Variants in TOP2A observed in about 807,000 individuals in gnomAD.
TOP2A encodes the protein DNA topoisomerase 2-alpha.
In TOP2A, 68 loss-of-function variants were observed where a neutral mutation model predicts 187.2. That is an observed-to-expected ratio of 0.36 (90% CI 0.30 to 0.44). The LOEUF is 0.44. TOP2A is among the 20% of genes least tolerant of loss of function. TOP2A has a pLI of 1.00. For missense variants in TOP2A, 1,196 were observed against 1,808.7 expected (o/e 0.66, Z 6.14); for synonymous variants, 542 against 593.2 (o/e 0.91, Z 1.25).
Position 40,404,147 on chromosome 17 carries a change from T to C in TOP2A, c.2283+5A>G. ...GCTTTCTGGAAACATGGATTGTGTG[T>C]TTACCTCACCATGATGATAAGAAGA... On this transcript the variant is annotated splice_donor_5th_base_variant and intron_variant, in intron 19 of 34. Coordinates refer to ENST00000423485, the MANE Select transcript of TOP2A (RefSeq NM_001067.4). The C allele has an allele frequency of 6.2e-7, 1 of 1,612,872 alleles. No homozygotes were observed.
At chr17:40,393,151 A>C (rs1295897912) in intron 29 of TOP2A, among the ~76,000 whole-genome samples, 1 of 151,834 alleles carries the variant, frequency 6.6e-6, no homozygotes, top group Non-Finnish European at 1.5e-5. Flanking sequence ...GCAAAACCCC[A>C]TCTCTACAAA....
At chr17:40,403,633 T>C (rs2035206979) in intron 19 of TOP2A, among the ~76,000 whole-genome samples, 2 of 152,174 alleles carry the variant, frequency 1.3e-5, no homozygotes, top group African/African-American at 4.8e-5. Flanking sequence ...TCACAAAACA[T>C]TGGTGTAAAG....
chr17:40,392,571 T>G lies in TOP2A; in HGVS notation c.3964+14A>C, dbSNP rs1410317433. ...TCTTACAGTTTATCTATAATGTTCT[T>G]TAGTTTTCCTTACTTGCTGCTCTCC... is the stretch of plus-strand genomic sequence containing the variant. On this transcript the variant is annotated intron_variant, in intron 30 of 34. Coordinates refer to ENST00000423485, the MANE Select transcript of TOP2A (RefSeq NM_001067.4). The G allele has an allele frequency of 2.5e-6, 4 of 1,603,338 alleles. No individual in the cohort carries two copies. Among genetic ancestry groups the G allele is most frequent in the Non-Finnish European group, 2.5e-6 (3 of 1,176,704 alleles).
intron 20 of TOP2A, among the ~76,000 whole-genome samples, chr17:40,402,685 T>G (rs1479603407): frequency 6.6e-6 from 1 of 152,186 alleles, no homozygotes; most frequent in African/African-American, 2.4e-5. Flanking sequence ...CTTTACTCAG[T>G]CCCAAGCTCT....
At chr17:40,401,357 T>G (rs908193895) in intron 20 of TOP2A, among the ~76,000 whole-genome samples, 2 of 152,102 alleles carry the variant, frequency 1.3e-5, no homozygotes, top group Non-Finnish European at 2.9e-5. Context: ...GGAAAGTGAC[T>G]GAAGAGGTGC....
At chr17:40,395,640 A>G (rs2035086662) in intron 28 of TOP2A, 101 bp from the exon 29 acceptor site, 1 of 733,306 alleles carries the variant, frequency 1.4e-6, no homozygotes, top group Non-Finnish European at 2.2e-6. Flanking sequence ...TCACGCCTGT[A>G]ATCCCAGCAC....
Position 40,416,748 on chromosome 17 carries a change from C to G in TOP2A, c.169G>C (p.Val57Leu). 1 of 1,605,788 alleles carries G rather than the reference C, an allele frequency of 6.2e-7. No homozygotes were observed. Among genetic ancestry groups the G allele is most frequent in the Non-Finnish European group, 8.5e-7 (1 of 1,177,730 alleles). The change falls in exon 2 of 35, where the codon GTG becomes CTG. Residue 57 changes from valine to leucine, a missense_variant. By Grantham distance (32) the Val-to-Leu change is conservative (BLOSUM62 1). Around this residue, in one of 10 missense-constraint regions of TOP2A, gnomAD observed 97 missense variants for 171.0 expected, o/e 0.57. Transcript: ENST00000423485. Reference sequence around the variant, plus strand: ...GATGAGCTTGATTTTACCTGGGTCACTAATTCCACAGAACCAATGTAGGTG... The same window carrying G: ...GATGAGCTTGATTTTACCTGGGTCAGTAATTCCACAGAACCAATGTAGGTG... The part of the protein sequence containing the change: ...PDTYIGSVEL[V>L]TQQMWVYDED...
intron 29 of TOP2A, among the ~76,000 whole-genome samples, chr17:40,394,268 A>G (rs960396255): frequency 6.6e-6 from 1 of 152,052 alleles, no homozygotes; most frequent in Non-Finnish European, 1.5e-5. Flanking sequence ...TAATGAGTTC[A>G]GTTTTCTTGG....
chr17:40,393,967 A>T (rs2035058173), intron 29 of TOP2A, among the ~76,000 whole-genome samples: 1 of 151,534 alleles, frequency 6.6e-6, no homozygotes, highest in Non-Finnish European at 1.5e-5. Flanking sequence ...GAGGCAGGAG[A>T]ATTGCCTGAA....
Position 40,412,822 on chromosome 17 carries a change from T to C in TOP2A, c.726A>G (p.Arg242=), listed in dbSNP as rs778899706. 6.2e-7 allele frequency: 1 copy of C among 1,613,998 alleles called. No individual in the cohort carries two copies. The highest frequency in any genetic ancestry group is 1.1e-5 in the South Asian group (1 of 91,082). ...TGGTGGATCCAGCAATATCATATGC[T>C]CTTCTGACCATTAGTGCAACAATAT... ...DKDIVALMVR[R]AYDIAGSTKD... The change falls in exon 7 of 35, where the codon AGA becomes AGG. Residue 242 remains arginine (R), a synonymous_variant. Transcript: ENST00000423485.
intron 16 of TOP2A, among the ~76,000 whole-genome samples, chr17:40,405,417 C>T (rs1320168115): frequency 6.6e-6 from 1 of 150,818 alleles, no homozygotes; most frequent in Non-Finnish European, 1.5e-5. Flanking sequence ...TCCCAAAGTG[C>T]TATGATTACT....
rs752231871 is a variant in TOP2A at position 40,396,288 on chromosome 17, T to C, written c.3715A>G (p.Ile1239Val). Residue 1239 changes from isoleucine (I) to valine (V), a missense_variant, in exon 28 of 35, where the codon ATT (isoleucine) becomes GTT (valine). Coordinates refer to ENST00000423485, the MANE Select transcript of TOP2A (RefSeq NM_001067.4). ...AEAEKKNKKK[I>V]KNENTEGSPQ... Reference sequence around the variant, plus strand: ...AGCCACCACAAGAGTATTACCTTAATTTTCTTTTTATTTTTCTTTTCTGCC... The same window carrying C: ...AGCCACCACAAGAGTATTACCTTAACTTTCTTTTTATTTTTCTTTTCTGCC... 1.3e-6 allele frequency: 2 copies of C among 1,559,522 alleles called. No homozygotes were observed. The highest frequency in any genetic ancestry group is 8.8e-7 in the Non-Finnish European group (1 of 1,134,644).
Position 40,400,303 on chromosome 17 carries a change from A to G in TOP2A, c.2906T>C (p.Val969Ala). ...CAGTTTTTCTTCAGTCATCTTCACA[A>G]CAAATTTCACAGTGGTATCTGTATG... ...EYHTDTTVKFVVKMTEEKLAE... is the reference protein window; with the variant it reads ...EYHTDTTVKFAVKMTEEKLAE... The change falls in exon 23 of 35, where the codon GTT becomes GCT. Residue 969 changes from valine (V) to alanine (A), a missense_variant. Around this residue, in one of 10 missense-constraint regions of TOP2A, gnomAD observed 232 missense variants for 306.1 expected, o/e 0.76. Coordinates refer to ENST00000423485, the MANE Select transcript of TOP2A (RefSeq NM_001067.4). 2 of 1,613,472 alleles carry G rather than the reference A, an allele frequency of 1.2e-6. No individual in the cohort carries two copies. Among genetic ancestry groups the G allele is most frequent in the Non-Finnish European group, 8.5e-7 (1 of 1,179,812 alleles).
chr17:40,411,132 A>G lies in TOP2A; in HGVS notation c.1180T>C (p.Leu394=), dbSNP rs769491609. The G allele has an allele frequency of 1.2e-5, 20 of 1,609,278 alleles. No individual in the cohort carries two copies. Among genetic ancestry groups the G allele is most frequent in the Non-Finnish European group, 1.5e-5 (18 of 1,178,576 alleles). Residue 394 remains leucine (L), a synonymous_variant, in exon 10 of 35, where the codon TTG becomes CTG. Transcript: ENST00000423485. The surrounding 1 kb of genome is among the most constrained non-coding windows in gnomAD (Gnocchi z 4.4). ...QPKSFGSTCQ[L]SEKFIKAAIG... ...ACAGCTTTGATAAATTTTTCACTCAATTGGCATGTTGATCCAAAGCTCTTG... is the reference window on the plus strand; with the variant it reads ...ACAGCTTTGATAAATTTTTCACTCAGTTGGCATGTTGATCCAAAGCTCTTG...
rs778671394 is a variant in TOP2A, at chr17:40,399,892, A to G, written c.3176T>C (p.Ile1059Thr). 1 of 1,599,038 alleles carries G rather than the reference A, an allele frequency of 6.3e-7. No homozygotes were observed. Among genetic ancestry groups the G allele is most frequent in the Non-Finnish European group, 8.5e-7 (1 of 1,175,696 alleles). The change falls in exon 24 of 35, where the codon ATA becomes ACA. Residue 1059 changes from isoleucine (I) to threonine (T), a missense_variant. This residue lies in a region of TOP2A where 232 missense variants were observed against 306.1 expected (regional missense o/e 0.76). Coordinates refer to ENST00000423485, the MANE Select transcript of TOP2A (RefSeq NM_001067.4). Reference sequence around the variant, plus strand: ...CATACCAATGATTATTTTGCCATCTATTTTCTCTAAGATAAAGCGAGCCTG... The same window carrying G: ...CATACCAATGATTATTTTGCCATCTGTTTTCTCTAAGATAAAGCGAGCCTG... Reference protein sequence around the residue: ...NNQARFILEKIDGKIIIENKP... With the variant: ...NNQARFILEKTDGKIIIENKP...
intron 15 of TOP2A, 38 bp from the exon 16 acceptor site, chr17:40,406,531 T>C: frequency 6.2e-7 from 1 of 1,607,228 alleles, no homozygotes; most frequent in Non-Finnish European, 8.5e-7. Context: ...TCATATAGTC[T>C]TGTACAGGGT....
At chr17:40,412,716 T>G (rs987764073) in intron 7 of TOP2A, 43 bp downstream of exon 7, 1 of 1,524,870 alleles carries the variant, frequency 6.6e-7, no homozygotes, top group Non-Finnish European at 9.0e-7. Flanking sequence ...TGACAATGAT[T>G]ACAAAATCCC....
chr17:40,405,366 G>A (rs2035227412), intron 16 of TOP2A, among the ~76,000 whole-genome samples: 1 of 151,442 alleles, frequency 6.6e-6, no homozygotes, highest in Non-Finnish European at 1.5e-5. Flanking sequence ...GGTCAGGCTG[G>A]TCTTGAACTC....
At chr17:40,403,078 A>C (rs200310395) in intron 19 of TOP2A, 24 bp from the exon 20 acceptor site, 17 of 1,574,762 alleles carry the variant, frequency 1.1e-5, no homozygotes, top group Middle Eastern at 1.7e-4. Context: ...AAGATTCATT[A>C]AGCTGAGGCT....
Sources: gnomAD v4.1 joint callset for allele counts (sites outside exome capture counted in the v4.1 genomes callset) on GRCh38, gnomAD v4.1.1 for gene constraint, gnomAD v4.1.1 regional missense constraint, Gnocchi (gnomAD v3.1) non-coding constraint, MANE v1.5 for transcripts, NCBI Gene and HGNC (gene_info 2026-07-23, HGNC 2026-07-21) for gene names.